ADGRF3: variants seen among roughly 807,000 people sequenced by gnomAD.
The protein encoded by ADGRF3 is G protein-coupled receptor 113.
Under a neutral mutation model 93.2 loss-of-function variants are expected in ADGRF3, and 85 were observed. That is an observed-to-expected ratio of 0.91 (90% CI 0.77 to 1.09). ADGRF3 has a LOEUF of 1.09. ADGRF3 is among the 50% of genes least tolerant of loss of function. The probability of loss-of-function intolerance (pLI) is 0.00; values close to 1 mark genes in which losing one functional copy is unlikely to be tolerated. For missense variants in ADGRF3, 1,125 were observed against 1,246.2 expected, an observed-to-expected ratio of 0.90 and a Z score of 1.46; for synonymous variants, 534 against 532.5, an observed-to-expected ratio of 1.00 and a Z score of -0.04.
chr2:26,313,151 G>T, intron 8 of ADGRF3, 29 bp from the exon 9 acceptor site: 1 of 1,611,468 alleles, frequency 6.2e-7, no homozygotes. Context: ...CATGAAGTGG[G>T]ACACATGGTG....
At chr2:26,316,548 T>C in intron 3 of ADGRF3, 100 bp from the exon 4 acceptor site, 3 of 1,229,864 alleles carry the variant, frequency 2.4e-6, no homozygotes, top group Non-Finnish European at 3.4e-6. Context: ...TAGGGCTGGG[T>C]ATCTGGACCA....
chr2:26,342,600 T>C (rs981268978), intron 1 of ADGRF3, among the ~76,000 whole-genome samples: 1 of 152,260 alleles, frequency 6.6e-6, no homozygotes, highest in African/African-American at 2.4e-5. Context: ...ATATTTTCTA[T>C]GATTATTATT....
rs1007157905 is a variant in ADGRF3, at chr2:26,315,617, C to T, written c.623G>A (p.Ser208Asn). 5.2e-6 allele frequency: 8 copies of T among 1,551,484 alleles called. No homozygotes were observed. Among genetic ancestry groups the T allele is most frequent in the Non-Finnish European group, 7.0e-6 (8 of 1,147,000 alleles). The change falls in exon 5 of 14, where the codon AGT (serine) becomes AAT (asparagine). Residue 208 changes from serine (S) to asparagine (N), a missense_variant. Ser to Asn is a conservative substitution (Grantham distance 46). Coordinates refer to ENST00000651242, the MANE Select transcript of ADGRF3 (RefSeq NM_001321971.2). The stretch of plus-strand genomic sequence containing the variant: ...TGTCCCTGGCTGCAGGAGGATGGGA[C>T]TGGGGCTCCCTGGGTGCCTCAGGAA... ...SWFLRHPGSPSPILLQPGTQV... is the reference protein window; with the variant it reads ...SWFLRHPGSPNPILLQPGTQV...
rs777178438 is a variant in ADGRF3, at chr2:26,309,560, A to G, written c.2959T>C (p.Leu987=). ...ISLATNEGCI[L]EHSKGGSDTA... is the part of the protein sequence containing the mutation. ...TCGCTTCCTCCTTTGCTGTGTTCCA[A>G]GATGCAGCCTTCATTTGTGGCCTAG... The change falls in exon 13 of 14, where the codon TTG becomes CTG. Residue 987 remains leucine, a synonymous_variant. Transcript: ENST00000651242. 4 of 1,612,830 alleles carry G rather than the reference A, an allele frequency of 2.5e-6. No homozygotes were observed. Among genetic ancestry groups the G allele is most frequent in the Non-Finnish European group, 3.4e-6 (4 of 1,179,572 alleles).
At chr2:26,315,472 G>A in intron 5 of ADGRF3, 50 bp downstream of exon 5, 1 of 1,521,752 alleles carries the variant, frequency 6.6e-7, no homozygotes, top group East Asian at 2.5e-5. Context: ...CGAGGATGAA[G>A]GGAAGTAAGA....
In ADGRF3 at chr2:26,310,189, G is replaced by C; in HGVS notation, c.2874+7C>G. 5 of 1,614,040 alleles carry C rather than the reference G, an allele frequency of 3.1e-6. No individual in the cohort carries two copies. Among genetic ancestry groups the C allele is most frequent in the Non-Finnish European group, 4.2e-6 (5 of 1,179,892 alleles). ...AGTGAGGCAGGGGGTTAGGTGGGCA[G>C]ACTTACCTTCCTGTCCATGAGGCAA... On this transcript the variant is annotated splice_region_variant and intron_variant, in intron 11 of 13. Transcript: ENST00000651242.
Position 26,313,740 on chromosome 2 carries a change from G to A in ADGRF3, c.1072+20C>T. ...GGCAAGCAGCTGGGACCAGCCCACT[G>A]GGCCCCAGGCCCTGCGTACCCTGGA... is the stretch of plus-strand genomic sequence containing the variant. On this transcript the variant is annotated intron_variant, in intron 7 of 13. Transcript: ENST00000651242. 1.2e-6 allele frequency: 2 copies of A among 1,613,018 alleles called. No individual in the cohort carries two copies. The highest frequency in any genetic ancestry group is 1.7e-6 in the Non-Finnish European group (2 of 1,179,576).
Position 26,309,564 on chromosome 2 carries a change from G to A in ADGRF3, c.2955C>T (p.Cys985=). The change falls in exon 13 of 14, where the codon TGC becomes TGT. Residue 985 remains cysteine, a synonymous_variant. Coordinates refer to ENST00000651242, the MANE Select transcript of ADGRF3 (RefSeq NM_001321971.2). ...TTCCTCCTTTGCTGTGTTCCAAGAT[G>A]CAGCCTTCATTTGTGGCCTAGGAAG... The part of the protein sequence containing the change: ...STISLATNEG[C]ILEHSKGGSD... 1 of 1,612,762 alleles carries A rather than the reference G, an allele frequency of 6.2e-7. No individual in the cohort carries two copies. The highest frequency in any genetic ancestry group is 8.5e-7 in the Non-Finnish European group (1 of 1,179,556).
At chr2:26,339,589 T>C (rs1676256844) in intron 1 of ADGRF3, among the ~76,000 whole-genome samples, 1 of 152,210 alleles carries the variant, frequency 6.6e-6, no homozygotes, top group Non-Finnish European at 1.5e-5. Flanking sequence ...TTTTAAGACG[T>C]AATTTTGAAG....
chr2:26,327,324 C>T (rs1415230047), intron 1 of ADGRF3, among the ~76,000 whole-genome samples: 2 of 152,172 alleles, frequency 1.3e-5, no homozygotes, highest in Admixed American at 1.3e-4. Context: ...AGGTGAGTTC[C>T]TCTTCAAATT....
intron 12 of ADGRF3, 200 bp downstream of exon 12, chr2:26,309,843 C>G: frequency 7.8e-7 from 1 of 1,277,578 alleles, no homozygotes; most frequent in Non-Finnish European, 1.1e-6. Context: ...ATCAGGAACC[C>G]AGGACCCTGA....
At position 26,324,172 on chromosome 2, in the gene ADGRF3, G is replaced by T. The variant is rs550021323; in HGVS notation, c.115-6610C>A. The stretch of plus-strand genomic sequence containing the variant: ...AGGCTGAGGTGGGACGATCACCGGA[G>T]CCCAGGAGGTCAAAGCCACAGTGAG... On this transcript the variant is annotated intron_variant, in intron 1 of 13. Transcript: ENST00000651242. Among the ~76,000 whole-genome samples the T allele has an allele frequency of 7.7e-4, 118 of 152,270 alleles. 1 individual carries two copies. The highest frequency in any genetic ancestry group is 6.8e-3 in the Middle Eastern group (2 of 294).
intron 1 of ADGRF3, among the ~76,000 whole-genome samples, chr2:26,321,825 T>C (rs1675165973): frequency 6.7e-6 from 1 of 149,692 alleles, no homozygotes; most frequent in Non-Finnish European, 1.5e-5. Flanking sequence ...TACAAAAAAA[T>C]TAGCCAGGTT....
chr2:26,341,989 C>A (rs1315407092), intron 1 of ADGRF3, among the ~76,000 whole-genome samples: 1 of 151,578 alleles, frequency 6.6e-6, no homozygotes, highest in Non-Finnish European at 1.5e-5. Flanking sequence ...AGGAGAATGG[C>A]GTGAACCCGG....
At chr2:26,319,774 T>C (rs530658198) in intron 1 of ADGRF3, among the ~76,000 whole-genome samples, 2 of 152,136 alleles carry the variant, frequency 1.3e-5, no homozygotes, top group Admixed American at 1.3e-4. Flanking sequence ...TAGAGTGCAG[T>C]AGCATGATCA....
intron 1 of ADGRF3, among the ~76,000 whole-genome samples, chr2:26,322,095 CA>C (rs1424942873): frequency 6.6e-6 from 1 of 151,556 alleles, no homozygotes; most frequent in Non-Finnish European, 1.5e-5. Flanking sequence ...CCAGCCTGGC[CA>C]AAGTGGTGAA....
chr2:26,329,255 G>A (rs1354788058), intron 1 of ADGRF3, among the ~76,000 whole-genome samples: 2 of 151,982 alleles, frequency 1.3e-5, no homozygotes, highest in Non-Finnish European at 1.5e-5. Flanking sequence ...CATCCTCCTG[G>A]GTAGCTGGCA....
chr2:26,344,348 T>A (rs2147934004), intron 1 of ADGRF3, among the ~76,000 whole-genome samples: 1 of 152,282 alleles, frequency 6.6e-6, no homozygotes, highest in African/African-American at 2.4e-5. Context: ...TTCACCATAT[T>A]GTCCAGGCTG....
intron 4 of ADGRF3, 92 bp downstream of exon 4, chr2:26,316,183 C>G: frequency 7.5e-7 from 1 of 1,340,880 alleles, no homozygotes; most frequent in African/African-American, 1.5e-5. Flanking sequence ...CTTGGACCAG[C>G]TGGCCAAACT....
Sources: allele counts gnomAD v4.1 joint callset (sites outside exome capture counted in the v4.1 genomes callset), GRCh38; gene constraint gnomAD v4.1.1; transcripts MANE v1.5; gene names NCBI Gene and HGNC (gene_info 2026-07-23, HGNC 2026-07-21).